The following TRMT44 variants were observed in gnomAD, a reference collection of about 807,000 sequenced individuals.
The protein encoded by TRMT44 is tRNA methyltransferase 44 homolog.
Under a neutral mutation model 77.3 loss-of-function variants are expected in TRMT44, and 78 were observed. The ratio of observed to expected loss-of-function variants is 1.01; its 90% CI spans 0.84 to 1.22. The LOEUF (loss-of-function observed/expected upper bound fraction) is 1.22. Ranked by LOEUF, TRMT44 falls within the 50% of genes most tolerant of loss-of-function variation. TRMT44 has a pLI of 0.00. For missense variants in TRMT44, 1,090 were observed against 964.4 expected (o/e 1.13, Z -1.73); for synonymous variants, 391 against 383.3 (o/e 1.02, Z -0.23).
At chr4:8,514,552 C>G in the TRMT44 span, among the ~76,000 whole-genome samples, 1 of 152,064 alleles carries the variant, frequency 6.6e-6, no homozygotes, top group Non-Finnish European at 1.5e-5. Context: ...GCTGGGATGA[C>G]AGATGTGAGC....
chr4:8,450,148 A>G (rs1193482777), intron 3 of TRMT44, among the ~76,000 whole-genome samples: 4 of 151,396 alleles, frequency 2.6e-5, no homozygotes, highest in Non-Finnish European at 5.9e-5. Context: ...TTGTATTTTT[A>G]TTAGAGATGA....
chr4:8,486,628 G>A (rs984072173), intron 2 of TRMT44, among the ~76,000 whole-genome samples: 4 of 152,088 alleles, frequency 2.6e-5, no homozygotes, highest in Non-Finnish European at 4.4e-5. Context: ...GCTGCCAAAC[G>A]AGCCGTGAAC....
chr4:8,505,381 T>G, the TRMT44 span, among the ~76,000 whole-genome samples: 1 of 152,248 alleles, frequency 6.6e-6, no homozygotes, highest in Admixed American at 6.5e-5. Context: ...CCTCCTGCCC[T>G]GGGAGGCCAG....
chr4:8,474,091 C>T (rs1280923092), intron 10 of TRMT44, among the ~76,000 whole-genome samples: 2 of 152,086 alleles, frequency 1.3e-5, no homozygotes, highest in Admixed American at 6.5e-5. Context: ...AAGGGGGTGC[C>T]GAGGCTGGCT....
chr4:8,480,125 A>G (rs768779765), downstream of TRMT44, among the ~76,000 whole-genome samples: 9 of 152,162 alleles, frequency 5.9e-5, no homozygotes, highest in Non-Finnish European at 1.0e-4. Context: ...GTGAATTCAC[A>G]TGGGTCTGCA....
chr4:8,488,105 G>T (rs959021316), intron 2 of TRMT44, among the ~76,000 whole-genome samples: 6 of 152,208 alleles, frequency 3.9e-5, no homozygotes, highest in Non-Finnish European at 8.8e-5. Context: ...GTAAAAAGAG[G>T]CCACTTACTG....
downstream of TRMT44, among the ~76,000 whole-genome samples, chr4:8,497,128 G>A (rs543212535): frequency 1.1e-4 from 17 of 149,072 alleles, no homozygotes; most frequent in South Asian, 4.2e-4. Context: ...ATGGGCTTTA[G>A]ACAACTCTTC....
chr4:8,449,167 C>T (rs1044835028), intron 2 of TRMT44, among the ~76,000 whole-genome samples: 1 of 152,188 alleles, frequency 6.6e-6, no homozygotes, highest in Non-Finnish European at 1.5e-5. Flanking sequence ...AGACAGAAGC[C>T]CCCCACTGTC....
chr4:8,496,175 C>G (rs902093627), downstream of TRMT44, among the ~76,000 whole-genome samples: 4 of 152,184 alleles, frequency 2.6e-5, no homozygotes, highest in African/African-American at 9.7e-5. Context: ...GGTATTTAAC[C>G]CAGAAAATTC....
At chr4:8,483,597 G>A (rs1727703351) in intron 2 of TRMT44, among the ~76,000 whole-genome samples, 1 of 152,198 alleles carries the variant, frequency 6.6e-6, no homozygotes, top group Admixed American at 6.5e-5. Context: ...TGGTGGCTGG[G>A]CTTGGTGAGG....
At chr4:8,460,622 C>G (rs903410939) in intron 6 of TRMT44, among the ~76,000 whole-genome samples, 1 of 151,160 alleles carries the variant, frequency 6.6e-6, no homozygotes, top group Non-Finnish European at 1.5e-5. Flanking sequence ...GGCGTGATCT[C>G]GGCTCACTGC....
chr4:8,494,000 G>A (rs909231178), downstream of TRMT44, among the ~76,000 whole-genome samples: 2 of 149,152 alleles, frequency 1.3e-5, no homozygotes, highest in East Asian at 1.9e-4. Context: ...CAAACCACAC[G>A]AGATTAAATC....
rs1725438443 is a variant in TRMT44 at position 8,451,342 on chromosome 4, T to C, written c.955-618T>C. On this transcript the variant is annotated intron_variant, in intron 3 of 10. Coordinates refer to ENST00000389737, the MANE Select transcript of TRMT44 (RefSeq NM_152544.3). This position sits in a 1 kb window ranked among gnomAD's most constrained non-coding sequence, Gnocchi z 4.1. ...TCTGTATTGTCTAAGGCGCTGTGAC[T>C]GGAAATAGAAATTTCAACTTTTAAC... Among the ~76,000 whole-genome samples the C allele has an allele frequency of 6.6e-6, 1 of 152,248 alleles. No individual in the cohort carries two copies. The highest frequency in any genetic ancestry group is 2.1e-4 in the South Asian group (1 of 4,834).
chr4:8,502,838 A>G, the TRMT44 span, among the ~76,000 whole-genome samples: 1 of 152,218 alleles, frequency 6.6e-6, no homozygotes, highest in Non-Finnish European at 1.5e-5. Context: ...GGGGAGATTA[A>G]TCAAAGGTGT....
At position 8,444,461 on chromosome 4, in the gene TRMT44, G is replaced by A. The variant is rs144409083; in HGVS notation, c.620-2015G>A. Among the ~76,000 whole-genome samples the A allele has an allele frequency of 3.7e-3, 557 of 151,268 alleles. 5 individuals carry two copies. Among genetic ancestry groups the A allele is most frequent in the East Asian group, 0.011 (58 of 5,146 alleles). On this transcript the variant is annotated intron_variant, in intron 1 of 10. Transcript: ENST00000389737. The surrounding 1 kb of genome is among the most constrained non-coding windows in gnomAD (Gnocchi z 4.0). ...GGCCCAGGCTAGAGTGCAGTGGTGT[G>A]ATTTCAGCTCACTGCAACCTCCGCC...
At chr4:8,510,682 G>C in the TRMT44 span, 5 of 152,624 alleles carry the variant, frequency 3.3e-5, no homozygotes, top group African/African-American at 1.2e-4. Flanking sequence ...CCGGGAGGGA[G>C]AAAGCATTTG....
chr4:8,449,000 G>A (rs964522880), intron 2 of TRMT44, among the ~76,000 whole-genome samples: 3 of 152,194 alleles, frequency 2.0e-5, no homozygotes, highest in South Asian at 2.1e-4. Flanking sequence ...TGCCCCAAAC[G>A]CAGCCCTTGG....
downstream of TRMT44, among the ~76,000 whole-genome samples, chr4:8,497,161 G>GA (rs35917442): frequency 0.33 from 47,581 of 143,874 alleles, 7,923 homozygotes; most frequent in Admixed American, 0.43. Context: ...AAGGTTGAGG[G>GA]AAAAAAAAAA....
At position 8,484,101 on chromosome 4, in the gene TRMT44, T is replaced by C. The variant is rs958938689; in HGVS notation, n.3891+4568T>C. The stretch of plus-strand genomic sequence containing the variant: ...AGAGGCGGGCTAGTGGCTTGTACTA[T>C]AGCATAGCCTGCCTTTGCTGGTGTG... On this transcript the variant is annotated intron_variant and non_coding_transcript_variant, in intron 2 of 2. Transcript: ENST00000511366. Among the ~76,000 whole-genome samples the C allele has an allele frequency of 1.1e-4, 17 of 152,288 alleles. No homozygotes were observed. In the East Asian group the frequency reaches 2.9e-3, roughly 26 times the overall value.
Sources: gnomAD v4.1 joint callset for allele counts (sites outside exome capture counted in the v4.1 genomes callset) on GRCh38, gnomAD v4.1.1 for gene constraint, Gnocchi (gnomAD v3.1) non-coding constraint, MANE v1.5 for transcripts, NCBI Gene and HGNC (gene_info 2026-07-23, HGNC 2026-07-21) for gene names.